The following SH2D4B variants were observed in gnomAD, a reference collection of about 807,000 sequenced individuals.
The protein encoded by SH2D4B is SH2 domain containing 4B.
SH2D4B carries 45 observed loss-of-function variants against 61.5 expected under a neutral mutation model. The ratio of observed to expected loss-of-function variants is 0.73; its 90% CI spans 0.58 to 0.94. The LOEUF is 0.94. Among genes scored for constraint, SH2D4B ranks in the 40% least tolerant of loss-of-function variants. The probability of loss-of-function intolerance (pLI) is 0.00; values close to 1 mark genes in which losing one functional copy is unlikely to be tolerated. For missense variants in SH2D4B, 572 were observed against 574.2 expected, an observed-to-expected ratio of 1.00 and a Z score of 0.04; for synonymous variants, 224 against 220.4, an observed-to-expected ratio of 1.02 and a Z score of -0.14.
intron 3 of SH2D4B, among the ~76,000 whole-genome samples, chr10:80,585,575 A>G (rs1004501238): frequency 1.3e-5 from 2 of 152,164 alleles, no homozygotes; most frequent in African/African-American, 2.4e-5. Context: ...TTGGCCTCCC[A>G]AAGTGCTGGG....
chr10:80,564,964 T>C (rs1407231089), intron 1 of SH2D4B, among the ~76,000 whole-genome samples: 6 of 152,228 alleles, frequency 3.9e-5, no homozygotes, highest in Admixed American at 6.5e-5. Context: ...GGATGCCTCA[T>C]GGTCAGAACA....
intron 6 of SH2D4B, among the ~76,000 whole-genome samples, chr10:80,610,124 G>A (rs1446525700): frequency 6.6e-6 from 1 of 152,094 alleles, no homozygotes; most frequent in Non-Finnish European, 1.5e-5. Flanking sequence ...GCTTGCCGTG[G>A]CTCTGCTCAC....
At chr10:80,587,417 T>G (rs1842272814) in intron 3 of SH2D4B, among the ~76,000 whole-genome samples, 1 of 152,068 alleles carries the variant, frequency 6.6e-6, no homozygotes, top group African/African-American at 2.4e-5. Flanking sequence ...GCAGCTGGGA[T>G]TACACACATG....
chr10:80,624,697 CA>C (rs1842751854), intron 6 of SH2D4B, among the ~76,000 whole-genome samples: 1 of 152,084 alleles, frequency 6.6e-6, no homozygotes, highest in Admixed American at 6.5e-5. Flanking sequence ...GGGCATCAGC[CA>C]AGGCTGAGAA....
intron 6 of SH2D4B, among the ~76,000 whole-genome samples, chr10:80,627,517 A>G (rs1338945855): frequency 6.6e-6 from 1 of 151,888 alleles, no homozygotes; most frequent in Non-Finnish European, 1.5e-5. Flanking sequence ...CAGTCTAAAC[A>G]TCACTTCCGC....
At chr10:80,584,899 C>G (rs1435983773) in intron 3 of SH2D4B, among the ~76,000 whole-genome samples, 1 of 152,222 alleles carries the variant, frequency 6.6e-6, no homozygotes, top group Admixed American at 6.5e-5. Context: ...CAGCATTAAT[C>G]AGACACATGG....
chr10:80,540,722 G>A, intron 1 of SH2D4B: 1 of 1,061,690 alleles, frequency 9.4e-7, no homozygotes, highest in South Asian at 1.6e-5. Context: ...ACTATGTGCT[G>A]ATTTCAGTGA....
intron 4 of SH2D4B, among the ~76,000 whole-genome samples, chr10:80,597,150 G>A (rs11186223): frequency 4.6e-5 from 7 of 152,008 alleles, no homozygotes; most frequent in Admixed American, 6.6e-5. Context: ...TTGAGCATTC[G>A]CAGATTTTGG....
chr10:80,581,250 C>T (rs957835277), intron 3 of SH2D4B, among the ~76,000 whole-genome samples: 2 of 152,150 alleles, frequency 1.3e-5, no homozygotes, highest in African/African-American at 2.4e-5. Flanking sequence ...CTTTTAGTCA[C>T]AGCCAGTTGA....
Position 80,538,711 on chromosome 10 carries a change from G to A in SH2D4B, c.184+196G>A, listed in dbSNP as rs1841539845. On this transcript the variant is annotated intron_variant, in intron 1 of 7. Coordinates refer to ENST00000646907, the MANE Select transcript of SH2D4B (RefSeq NM_001388272.1). The surrounding 1 kb of genome is among the most constrained non-coding windows in gnomAD (Gnocchi z 4.8). Reference sequence around the variant, plus strand: ...TTTGGCCAGGACCTTAGGGCTTCGAGGCTGCTGCAGAGGCTGTCCAGCGGC... The same window carrying A: ...TTTGGCCAGGACCTTAGGGCTTCGAAGCTGCTGCAGAGGCTGTCCAGCGGC... Among the ~76,000 whole-genome samples the A allele has an allele frequency of 6.6e-6, 1 of 152,226 alleles. No individual in the cohort carries two copies. The highest frequency in any genetic ancestry group is 1.5e-5 in the Non-Finnish European group (1 of 68,042).
In SH2D4B at chr10:80,574,738, T is replaced by C. The variant is rs142886774; in HGVS notation, c.495+3160T>C. On this transcript the variant is annotated intron_variant, in intron 3 of 7. Transcript: ENST00000646907. Reference sequence around the variant, plus strand: ...TGTTTGAGACGGAGTTTCGCTCTTGTTGTCCAGGCTGGAGTGCAATGGCGC... The same window carrying C: ...TGTTTGAGACGGAGTTTCGCTCTTGCTGTCCAGGCTGGAGTGCAATGGCGC... 6.2e-3 allele frequency among the ~76,000 whole-genome samples: 920 copies of C among 149,360 alleles called. 13 individuals are homozygous for C. The highest frequency in any genetic ancestry group is 0.023 in the African/African-American group (892 of 38,766).
chr10:80,631,042 G>T (rs892752954), intron 6 of SH2D4B, among the ~76,000 whole-genome samples: 1 of 152,226 alleles, frequency 6.6e-6, no homozygotes, highest in African/African-American at 2.4e-5. Context: ...GTTGGCAAGT[G>T]TTGGAGGAAA....
At chr10:80,622,117 T>A (rs565545515) in intron 6 of SH2D4B, among the ~76,000 whole-genome samples, 8 of 152,328 alleles carry the variant, frequency 5.3e-5, no homozygotes, top group African/African-American at 1.9e-4. Context: ...GTTGAGTTCA[T>A]CAGCCATCCC....
At chr10:80,561,958 C>G (rs934369017) in intron 1 of SH2D4B, among the ~76,000 whole-genome samples, 2 of 151,818 alleles carry the variant, frequency 1.3e-5, no homozygotes, top group Non-Finnish European at 2.9e-5. Flanking sequence ...AGTAATCCAC[C>G]TGCTTTCTAT....
At chr10:80,563,868 G>A (rs376885118) in intron 1 of SH2D4B, among the ~76,000 whole-genome samples, 52 of 152,268 alleles carry the variant, frequency 3.4e-4, no homozygotes, top group African/African-American at 1.2e-3. Context: ...TAGGAAAATT[G>A]AGAAAAGGCA....
chr10:80,541,124 G>C, intron 1 of SH2D4B, among the ~76,000 whole-genome samples: 1 of 152,170 alleles, frequency 6.6e-6, no homozygotes. Flanking sequence ...TAATTTTATG[G>C]GTGTTTCTTT....
At chr10:80,542,394 CTATCTTTTTT>C (rs1564763222) in intron 1 of SH2D4B, among the ~76,000 whole-genome samples, 1 of 123,928 alleles carries the variant, frequency 8.1e-6, no homozygotes, top group Admixed American at 8.1e-5. Context: ...CCTGTCAGTT[CTATCTTTTTT>C]TTTTTTTTTT....
chr10:80,589,000 C>CTTT (rs200753787), intron 4 of SH2D4B, among the ~76,000 whole-genome samples: 20,254 of 147,010 alleles, frequency 0.14, 1,870 homozygotes, highest in African/African-American at 0.25. Flanking sequence ...TTTTCTTTTT[C>CTTT]TTTTTTTTTT....
intron 6 of SH2D4B, among the ~76,000 whole-genome samples, chr10:80,632,616 G>T (rs1202232320): frequency 6.6e-6 from 1 of 151,972 alleles, no homozygotes; most frequent in South Asian, 2.1e-4. Context: ...CCTGCGTCTG[G>T]CCCCCCTTAC....
Sources: allele counts gnomAD v4.1 joint callset (sites outside exome capture counted in the v4.1 genomes callset), GRCh38; gene constraint gnomAD v4.1.1; non-coding constraint Gnocchi (gnomAD v3.1); transcripts MANE v1.5; gene names NCBI Gene and HGNC (gene_info 2026-07-23, HGNC 2026-07-21).